TRPM3: variants seen among roughly 807,000 people sequenced by gnomAD.
TRPM3 encodes the protein transient receptor potential cation channel subfamily M member 3.
In TRPM3, 77 loss-of-function variants were observed where a neutral mutation model predicts 181.2. That is an observed-to-expected ratio of 0.42 (90% CI 0.35 to 0.51). The LOEUF (loss-of-function observed/expected upper bound fraction) is 0.51, where lower values mean the gene tolerates loss of function less well. Among genes scored for constraint, TRPM3 ranks in the 20% least tolerant of loss-of-function variants. The pLI is 0.01. For synonymous variants in TRPM3, 745 were observed against 796.4 expected, an observed-to-expected ratio of 0.94 and a Z score of 1.09; for missense variants, 1,759 against 2,196.7, an observed-to-expected ratio of 0.80 and a Z score of 3.98.
rs117191964 is a variant in TRPM3 at position 70,787,737 on chromosome 9, A to G, written c.974-3458T>C. 1.7e-3 allele frequency among the ~76,000 whole-genome samples: 168 copies of G among 100,742 alleles called. 3 individuals are homozygous for G. The East Asian group carries it at 0.039, about 23-fold the overall frequency. 66.1% of individuals were successfully genotyped at this position (100,742 alleles called of 152,430 possible). A position where few individuals can be genotyped will look rare whatever the true frequency, so the allele number is the denominator to read the frequency against. On this transcript the variant is annotated intron_variant, in intron 6 of 25. Coordinates refer to ENST00000677713, the MANE Select transcript of TRPM3 (RefSeq NM_001366145.2). ...TGTGGGTAGACACAAAAATGTTTCTATGCAATTTCAGGGACTTTTTGGATT... is the reference window on the plus strand; with the variant it reads ...TGTGGGTAGACACAAAAATGTTTCTGTGCAATTTCAGGGACTTTTTGGATT...
At chr9:70,985,949 A>G (rs1478185901) in intron 1 of TRPM3, among the ~76,000 whole-genome samples, 2 of 152,190 alleles carry the variant, frequency 1.3e-5, no homozygotes, top group African/African-American at 4.8e-5. Context: ...GCTTTTTATT[A>G]TTATCACACT....
At chr9:71,260,619 G>A (rs1414150677) in intron 1 of TRPM3, among the ~76,000 whole-genome samples, 1 of 152,094 alleles carries the variant, frequency 6.6e-6, no homozygotes, top group African/African-American at 2.4e-5. Context: ...TGTATTCCAA[G>A]GTGTTTTATT....
intron 6 of TRPM3, among the ~76,000 whole-genome samples, chr9:70,810,338 C>G (rs796486313): frequency 3.4e-5 from 5 of 149,082 alleles, no homozygotes; most frequent in African/African-American, 9.9e-5. Flanking sequence ...ACCCTCCTCT[C>G]CATCACCCTG....
At chr9:70,872,729 A>G (rs2095809063) in intron 1 of TRPM3, among the ~76,000 whole-genome samples, 1 of 151,926 alleles carries the variant, frequency 6.6e-6, no homozygotes, top group African/African-American at 2.4e-5. Context: ...AAAAGAGCTC[A>G]ATGATGTTGA....
chr9:71,169,639 A>C (rs554693327), intron 1 of TRPM3, among the ~76,000 whole-genome samples: 1 of 152,032 alleles, frequency 6.6e-6, no homozygotes, highest in Admixed American at 6.6e-5. Context: ...GGCACGGAGG[A>C]AAAATATATA....
chr9:70,640,520 A>G (rs982958548), intron 10 of TRPM3, 40 bp downstream of exon 10: 1 of 1,571,642 alleles, frequency 6.4e-7, no homozygotes, highest in South Asian at 1.1e-5. Context: ...CCCTTGGCCA[A>G]CCAAAGTGGG....
chr9:70,557,992 A>G (rs553826292), intron 22 of TRPM3, among the ~76,000 whole-genome samples: 4 of 152,318 alleles, frequency 2.6e-5, no homozygotes, highest in Non-Finnish European at 4.4e-5. Context: ...ATGAACTTCA[A>G]TGCCAAATCT....
chr9:70,617,858 G>A lies in TRPM3; in HGVS notation c.2358+1009C>T, dbSNP rs377683241. On this transcript the variant is annotated intron_variant, in intron 17 of 25. Transcript: ENST00000677713. ...CTTGTGCCTATAATCCCAGCTACTC[G>A]GGAGGCTGAGGTAGGAGAATCGCTT... Among the ~76,000 whole-genome samples, 8 of 152,106 alleles carry A rather than the reference G, an allele frequency of 5.3e-5. No individual in the cohort carries two copies. The East Asian group carries it at 5.8e-4, about 11-fold the overall frequency.
chr9:70,997,419 A>G lies in TRPM3; in HGVS notation c.177+123759T>C, dbSNP rs538993138. Among the ~76,000 whole-genome samples, 3 of 151,958 alleles carry G rather than the reference A, an allele frequency of 2.0e-5. No homozygotes were observed. The East Asian group carries it at 5.8e-4, about 30-fold the overall frequency. ...ACCACGTTAGCCAGGATGGTCTCGA[A>G]CTCCTGACCTCGTGATCTGCCTGCC... On this transcript the variant is annotated intron_variant, in intron 1 of 25. Coordinates refer to ENST00000677713, the MANE Select transcript of TRPM3 (RefSeq NM_001366145.2).
chr9:71,374,943 G>A (rs1236156610), intron 1 of TRPM3, among the ~76,000 whole-genome samples: 1 of 152,046 alleles, frequency 6.6e-6, no homozygotes, highest in African/African-American at 2.4e-5. Flanking sequence ...AAATCAGAGA[G>A]GACAAAAACA....
intron 8 of TRPM3, 125 bp from the exon 9 acceptor site, chr9:70,681,703 A>G (rs1396392422): frequency 1.3e-6 from 1 of 784,098 alleles, no homozygotes; most frequent in Non-Finnish European, 2.2e-6. Flanking sequence ...ACCACAGGGT[A>G]AGCACACATA....
intron 1 of TRPM3, among the ~76,000 whole-genome samples, chr9:71,420,701 GA>G (rs1565556745): frequency 1.7e-4 from 2 of 11,832 alleles, no homozygotes; most frequent in Non-Finnish European, 4.4e-4. Context: ...GAAAGAGAAA[GA>G]GAGAGAAAGA....
chr9:71,209,779 A>T (rs930142236), intron 1 of TRPM3, among the ~76,000 whole-genome samples: 3 of 152,230 alleles, frequency 2.0e-5, no homozygotes, highest in African/African-American at 7.2e-5. Context: ...TGAAAATTAT[A>T]TGACATTTAA....
chr9:70,654,508 G>A (rs1437838911), intron 9 of TRPM3, among the ~76,000 whole-genome samples: 3 of 152,062 alleles, frequency 2.0e-5, no homozygotes, highest in African/African-American at 7.2e-5. Context: ...ATAAGAGGGT[G>A]GAAATGATCC....
At chr9:70,819,148 A>T (rs934109539) in intron 6 of TRPM3, among the ~76,000 whole-genome samples, 4 of 152,196 alleles carry the variant, frequency 2.6e-5, no homozygotes, top group Admixed American at 6.5e-5. Flanking sequence ...TGCTGTTGGT[A>T]TCTGGGCCAG....
At chr9:70,861,569 G>A (rs1446498374) in intron 3 of TRPM3, among the ~76,000 whole-genome samples, 3 of 152,156 alleles carry the variant, frequency 2.0e-5, no homozygotes, top group Admixed American at 6.5e-5. Flanking sequence ...TTCTTACAGG[G>A]ACAACTCGCA....
At chr9:71,336,013 A>G (rs965826934) in intron 1 of TRPM3, among the ~76,000 whole-genome samples, 4 of 152,088 alleles carry the variant, frequency 2.6e-5, no homozygotes, top group Non-Finnish European at 5.9e-5. Context: ...AATTCATTCA[A>G]AACAAACTAT....
At chr9:70,878,579 C>T (rs1379770787) in intron 1 of TRPM3, among the ~76,000 whole-genome samples, 1 of 152,062 alleles carries the variant, frequency 6.6e-6, no homozygotes, top group Admixed American at 6.6e-5. Flanking sequence ...AAATTTCAAT[C>T]CATTACATTA....
At chr9:70,857,609 T>C (rs2095420545) in intron 3 of TRPM3, among the ~76,000 whole-genome samples, 1 of 152,186 alleles carries the variant, frequency 6.6e-6, no homozygotes, top group South Asian at 2.1e-4. Context: ...TAATATAGCC[T>C]GTGCTAGGTG....
Sources: gnomAD v4.1 joint callset for allele counts (sites outside exome capture counted in the v4.1 genomes callset) on GRCh38, gnomAD v4.1.1 for gene constraint, MANE v1.5 for transcripts, NCBI Gene and HGNC (gene_info 2026-07-23, HGNC 2026-07-21) for gene names.